Variants in NDRG3 observed in about 807,000 individuals in gnomAD.
NDRG3 encodes NDRG family member 3.
Under a neutral mutation model 57.2 loss-of-function variants are expected in NDRG3, and 23 were observed. The ratio of observed to expected loss-of-function variants is 0.40; its 90% confidence interval spans 0.29 to 0.57. NDRG3 has a LOEUF of 0.57. NDRG3 is among the 20% of genes least tolerant of loss of function. The pLI is 0.42. For synonymous variants in NDRG3, 132 were observed against 162.6 expected, an observed-to-expected ratio of 0.81 and a Z score of 1.43; for missense variants, 384 against 457.3, an observed-to-expected ratio of 0.84 and a Z score of 1.46.
chr20:36,668,856 T>C (rs1478963612), intron 9 of NDRG3, among the ~76,000 whole-genome samples: 1 of 151,700 alleles, frequency 6.6e-6, no homozygotes, highest in Non-Finnish European at 1.5e-5. Context: ...TGTAACTATA[T>C]ATATAGTGAG....
chr20:36,664,182 T>C (rs1179420446), intron 12 of NDRG3, among the ~76,000 whole-genome samples: 1 of 152,146 alleles, frequency 6.6e-6, no homozygotes, highest in African/African-American at 2.4e-5. Flanking sequence ...CCTACAGACA[T>C]ACTGATTATA....
chr20:36,677,302 G>C (rs1980833112), intron 8 of NDRG3, among the ~76,000 whole-genome samples: 1 of 152,214 alleles, frequency 6.6e-6, no homozygotes, highest in Admixed American at 6.5e-5. Flanking sequence ...GGGCAGAAGG[G>C]GGCAGGGTTC....
chr20:36,678,792 TA>T (rs778386639), intron 8 of NDRG3, among the ~76,000 whole-genome samples: 3 of 152,230 alleles, frequency 2.0e-5, no homozygotes, highest in African/African-American at 4.8e-5. Context: ...ATGGAAAACA[TA>T]AAAACAAACT....
chr20:36,697,355 T>C (rs1396017708), intron 3 of NDRG3, among the ~76,000 whole-genome samples: 1 of 152,110 alleles, frequency 6.6e-6, no homozygotes, highest in Non-Finnish European at 1.5e-5. Context: ...TCCTTACTAA[T>C]ATGTCCTTTG....
In NDRG3 at chr20:36,654,880, C is replaced by T. The variant is rs527940291; in HGVS notation, c.947-1179G>A. On this transcript the variant is annotated intron_variant, in intron 15 of 15. Transcript: ENST00000349004. ...ACACAGGAAAAGGCAGGTTAGTGAC[C>T]CCAGAGTGCCAAGTGGCAACCTCAG... 2.8e-4 allele frequency: 219 copies of T among 779,436 alleles called. 5 individuals carry two copies. The South Asian group carries it at 2.8e-3, about 10-fold the overall frequency. The allele number at this position is 779,436 out of a possible 1,614,324, so 48.3% of individuals were successfully genotyped here. A position where few individuals can be genotyped will look rare whatever the true frequency, so the allele number is the denominator to read the frequency against.
chr20:36,653,726 A>C lies in NDRG3; in HGVS notation c.947-25T>G. Reference sequence around the variant, plus strand: ...ACTGTAACAGAGAACCAAGGGGACTAGAAGATGAAGCCCCGGTTAAGCCCA... The same window carrying C: ...ACTGTAACAGAGAACCAAGGGGACTCGAAGATGAAGCCCCGGTTAAGCCCA... On this transcript the variant is annotated intron_variant, in intron 15 of 15. Transcript: ENST00000349004. The surrounding 1 kb of genome is among the most constrained non-coding windows in gnomAD (Gnocchi z 4.2). 4 of 1,602,410 alleles carry C rather than the reference A, an allele frequency of 2.5e-6. No homozygotes were observed. Among genetic ancestry groups the C allele is most frequent in the Non-Finnish European group, 3.4e-6 (4 of 1,174,228 alleles).
At chr20:36,686,592 T>C (rs1265921104) in intron 5 of NDRG3, among the ~76,000 whole-genome samples, 2 of 152,198 alleles carry the variant, frequency 1.3e-5, no homozygotes, top group Non-Finnish European at 2.9e-5. Flanking sequence ...TCCTAAGGTC[T>C]TCTCAATAAG....
chr20:36,694,769 AT>A (rs1982632087), intron 3 of NDRG3, among the ~76,000 whole-genome samples: 1 of 151,512 alleles, frequency 6.6e-6, no homozygotes, highest in Non-Finnish European at 1.5e-5. Context: ...TTATTTATTT[AT>A]TTTTTGAGAC....
intron 2 of NDRG3, among the ~76,000 whole-genome samples, chr20:36,713,598 T>C (rs758358246): frequency 2.2e-4 from 33 of 152,208 alleles, no homozygotes; most frequent in Non-Finnish European, 4.3e-4. Flanking sequence ...AGTTGAAAGA[T>C]GAGATAGATA....
chr20:36,744,976 G>C (rs948777067), intron 1 of NDRG3, among the ~76,000 whole-genome samples: 1 of 151,424 alleles, frequency 6.6e-6, no homozygotes, highest in Admixed American at 6.6e-5. Context: ...AAGGGGGGGG[G>C]GGGGCGCGGC....
At chr20:36,746,076 AGCAGCGGCGGCGGCGGCG>A (rs1315976493) in exon 1 of NDRG3, 11 of 291,654 alleles carry the variant, frequency 3.8e-5, no homozygotes, top group African/African-American at 2.5e-4. Flanking sequence ...TCAGTGCAGC[AGCAGCGGCGGCGGCGGCG>A]GCGGCGGCGG....
Position 36,660,382 on chromosome 20 carries a change from G to C in NDRG3, c.813C>G (p.Val271=). Residue 271 remains valine (V), a splice_region_variant and synonymous_variant, in exon 13 of 16, where the codon GTC becomes GTG. Coordinates refer to ENST00000349004, the MANE Select transcript of NDRG3 (RefSeq NM_032013.4). ...GDNSPAVEAV[V]ECNSRLNPIN... is the part of the protein sequence containing the mutation. ...TAGGGTTCAGGCGGGAATTGCATTC[G>C]ACCTAAAATTTAAAAAAAGAGAAGA... The C allele has an allele frequency of 6.2e-7, 1 of 1,605,668 alleles. No individual in the cohort carries two copies. The highest frequency in any genetic ancestry group is 2.2e-5 in the East Asian group (1 of 44,480).
intron 5 of NDRG3, among the ~76,000 whole-genome samples, chr20:36,685,922 A>T (rs1981748013): frequency 2.6e-5 from 4 of 152,210 alleles, no homozygotes; most frequent in Admixed American, 1.3e-4. Flanking sequence ...AGATGGGAGG[A>T]TCACTTGAGC....
intron 3 of NDRG3, among the ~76,000 whole-genome samples, chr20:36,697,455 C>T (rs1354085534): frequency 6.6e-6 from 1 of 152,082 alleles, no homozygotes; most frequent in East Asian, 1.9e-4. Flanking sequence ...ACCTGTAATC[C>T]CAGCACTTTG....
At chr20:36,678,455 G>C (rs1980950287) in intron 8 of NDRG3, among the ~76,000 whole-genome samples, 1 of 152,148 alleles carries the variant, frequency 6.6e-6, no homozygotes, top group African/African-American at 2.4e-5. Context: ...GGCTGAGGTG[G>C]GTGGATCACG....
At chr20:36,738,963 A>C (rs1985760343) in intron 1 of NDRG3, among the ~76,000 whole-genome samples, 1 of 148,616 alleles carries the variant, frequency 6.7e-6, no homozygotes, top group South Asian at 2.1e-4. Flanking sequence ...ATCTCTACTA[A>C]AAATACAAAA....
At chr20:36,670,835 C>A (rs1980086142) in intron 9 of NDRG3, among the ~76,000 whole-genome samples, 1 of 152,164 alleles carries the variant, frequency 6.6e-6, no homozygotes, top group Non-Finnish European at 1.5e-5. Flanking sequence ...TTGAAGAAGA[C>A]CAGGTTCCCC....
intron 2 of NDRG3, among the ~76,000 whole-genome samples, chr20:36,707,259 G>A (rs888435434): frequency 3.9e-5 from 6 of 152,180 alleles, no homozygotes; most frequent in African/African-American, 1.4e-4. Context: ...TAGTTTTCTA[G>A]CAAGCTTGTA....
intron 8 of NDRG3, among the ~76,000 whole-genome samples, chr20:36,680,087 G>A (rs1981125188): frequency 6.6e-6 from 1 of 151,670 alleles, no homozygotes; most frequent in Non-Finnish European, 1.5e-5. Context: ...GCCTCCCAAA[G>A]TGCTGGGATT....
Sources: allele counts gnomAD v4.1 joint callset (sites outside exome capture counted in the v4.1 genomes callset), GRCh38; gene constraint gnomAD v4.1.1; non-coding constraint Gnocchi (gnomAD v3.1); transcripts MANE v1.5; gene names NCBI Gene and HGNC (gene_info 2026-07-23, HGNC 2026-07-21).